XIRP2: variants seen among roughly 807,000 people sequenced by gnomAD.
XIRP2 encodes the protein xin actin binding repeat containing 2, also known as xin actin-binding repeat-containing protein 2.
In XIRP2, 236 loss-of-function variants were observed where a neutral mutation model predicts 277.0. That is an observed-to-expected ratio of 0.85 (90% CI 0.77 to 0.95). XIRP2 has a LOEUF of 0.95. XIRP2 is among the 40% of genes least tolerant of loss of function. The probability of loss-of-function intolerance (pLI) is 0.00; values close to 1 mark genes in which losing one functional copy is unlikely to be tolerated. For synonymous variants in XIRP2, 1,490 were observed against 1,416.5 expected, an observed-to-expected ratio of 1.05 and a Z score of -1.17; for missense variants, 4,640 against 4,157.5, an observed-to-expected ratio of 1.12 and a Z score of -3.19.
intron 2 of XIRP2, among the ~76,000 whole-genome samples, chr2:166,923,199 C>T (rs892332752): frequency 3.3e-5 from 5 of 152,014 alleles, no homozygotes; most frequent in Admixed American, 1.3e-4. Context: ...AAATAGCTTT[C>T]ATGTTTGAAC....
chr2:167,095,186 G>T (rs1294485138), intron 2 of XIRP2, among the ~76,000 whole-genome samples: 1 of 152,200 alleles, frequency 6.6e-6, no homozygotes, highest in Non-Finnish European at 1.5e-5. Flanking sequence ...CTTTGCTGAA[G>T]CTGCTTATCA....
intron 5 of XIRP2, among the ~76,000 whole-genome samples, chr2:167,226,175 T>G (rs1459941672): frequency 6.6e-6 from 1 of 152,104 alleles, no homozygotes; most frequent in Non-Finnish European, 1.5e-5. Context: ...CCACTGGGGG[T>G]TTGGAGATAC....
chr2:167,096,094 T>A (rs1574251371), intron 2 of XIRP2, among the ~76,000 whole-genome samples: 1 of 149,634 alleles, frequency 6.7e-6, no homozygotes, highest in Non-Finnish European at 1.5e-5. Context: ...TCTTTTTTTT[T>A]ATTATTGGGA....
intron 2 of XIRP2, among the ~76,000 whole-genome samples, chr2:167,020,531 C>T (rs1027546872): frequency 6.6e-6 from 1 of 151,932 alleles, no homozygotes; most frequent in East Asian, 1.9e-4. Context: ...TCAAACTCTT[C>T]TATTCGTATG....
At chr2:167,170,574 T>A (rs1692659803) in intron 3 of XIRP2, among the ~76,000 whole-genome samples, 1 of 151,020 alleles carries the variant, frequency 6.6e-6, no homozygotes, top group Admixed American at 6.6e-5. Flanking sequence ...TCATCTGAGT[T>A]GTCTATTTAC....
intron 2 of XIRP2, among the ~76,000 whole-genome samples, chr2:167,109,208 T>C (rs1446060813): frequency 6.6e-6 from 1 of 152,152 alleles, no homozygotes; most frequent in Non-Finnish European, 1.5e-5. Flanking sequence ...AAATATTAAA[T>C]AAAAATAATC....
rs201974513 is a variant in XIRP2 at position 167,259,290 on chromosome 2, T to C, written c.*1473T>C. On this transcript the variant is annotated 3_prime_UTR_variant, in exon 11 of 11. Transcript: ENST00000409195. ...ACAGCTAAGCCTTTGTTTCCCAGAG[T>C]GGAGGTGCAGTCAGAACAACTCACG... 1.2e-5 allele frequency: 20 copies of C among 1,613,090 alleles called. No individual in the cohort carries two copies. The East Asian group carries it at 2.7e-4, about 22-fold the overall frequency.
intron 2 of XIRP2, among the ~76,000 whole-genome samples, chr2:166,923,869 G>C (rs1685120124): frequency 6.6e-6 from 1 of 151,998 alleles, no homozygotes; most frequent in Non-Finnish European, 1.5e-5. Context: ...TGTCACTATG[G>C]AAAATGACAG....
chr2:166,927,859 CATGAAT>C (rs1685231403), intron 2 of XIRP2, among the ~76,000 whole-genome samples: 1 of 152,134 alleles, frequency 6.6e-6, no homozygotes, highest in African/African-American at 2.4e-5. Context: ...GTTTCAAAGC[CATGAAT>C]ATGCTTTTAT....
chr2:167,166,658 C>G (rs2105345523), intron 3 of XIRP2, among the ~76,000 whole-genome samples: 1 of 152,222 alleles, frequency 6.6e-6, no homozygotes, highest in Admixed American at 6.5e-5. Context: ...GAGAGCAAAG[C>G]AGGGATGTGT....
At position 167,243,081 on chromosome 2, in the gene XIRP2, C is replaced by A. The variant is rs751226496; in HGVS notation, c.1689C>A (p.Tyr563Ter). The A allele has an allele frequency of 4.3e-6, 7 of 1,614,022 alleles. No homozygotes were observed. Among genetic ancestry groups the A allele is most frequent in the Non-Finnish European group, 5.1e-6 (6 of 1,179,968 alleles). The change falls in exon 9 of 11, where the codon TAC becomes TAA. Residue 563 changes from tyrosine (Y) to a stop codon, truncating the protein, a stop_gained. Transcript: ENST00000409195. LOFTEE classifies it high-confidence loss of function. ...AAGATCTGAACTCAGAAAGAGAATACTTGGAATGGGATGAAATTCTGAAGG... is the reference window on the plus strand; with the variant it reads ...AAGATCTGAACTCAGAAAGAGAATAATTGGAATGGGATGAAATTCTGAAGG... ...SQKDLNSEREYLEWDEILKGE... is the reference protein window; with the variant it reads ...SQKDLNSERE
intron 2 of XIRP2, among the ~76,000 whole-genome samples, chr2:167,133,319 T>G (rs996314141): frequency 1.3e-5 from 2 of 152,190 alleles, no homozygotes; most frequent in African/African-American, 2.4e-5. Context: ...CAAGAAGCTC[T>G]TTTACATCTC....
chr2:167,200,942 A>G (rs559794438), intron 3 of XIRP2, among the ~76,000 whole-genome samples: 7 of 152,044 alleles, frequency 4.6e-5, no homozygotes, highest in Admixed American at 4.6e-4. Flanking sequence ...CCTGGCCAAC[A>G]TGGTGAAACT....
intron 1 of XIRP2, among the ~76,000 whole-genome samples, chr2:166,892,357 T>A (rs564755325): frequency 3.3e-5 from 5 of 152,220 alleles, no homozygotes; most frequent in South Asian, 2.1e-4. Flanking sequence ...ATGGTGGGTG[T>A]TGGGAAACAG....
At position 167,005,446 on chromosome 2, in the gene XIRP2, G is replaced by A. The variant is rs568120628; in HGVS notation, c.408+101556G>A. Among the ~76,000 whole-genome samples the A allele has an allele frequency of 4.0e-5, 6 of 151,796 alleles. No homozygotes were observed. The East Asian group carries it at 5.8e-4, about 15-fold the overall frequency. On this transcript the variant is annotated intron_variant, in intron 2 of 10. Coordinates refer to ENST00000409195, the MANE Select transcript of XIRP2 (RefSeq NM_152381.6). ...CAGATGAAGAAACTAAGATGTAAAG[G>A]GATTAATTAAAGTCACCCAGTGAGT... is the stretch of plus-strand genomic sequence containing the variant.
intron 4 of XIRP2, among the ~76,000 whole-genome samples, chr2:167,217,142 G>A (rs1694273114): frequency 7.7e-6 from 1 of 129,408 alleles, no homozygotes; most frequent in Non-Finnish European, 1.6e-5. Context: ...GTGGGGTGGG[G>A]GGAGGGGGAA....
chr2:167,018,486 A>G (rs1463267429), intron 2 of XIRP2, among the ~76,000 whole-genome samples: 1 of 152,004 alleles, frequency 6.6e-6, no homozygotes, highest in Non-Finnish European at 1.5e-5. Context: ...ATGATAAGAA[A>G]CCTGACATCC....
At chr2:167,210,516 A>G (rs547755592) in intron 3 of XIRP2, among the ~76,000 whole-genome samples, 1 of 152,162 alleles carries the variant, frequency 6.6e-6, no homozygotes, top group South Asian at 2.1e-4. Flanking sequence ...TGGGGGGATA[A>G]ATTTTTGCTG....
intron 3 of XIRP2, among the ~76,000 whole-genome samples, chr2:167,163,315 C>A (rs1489253870): frequency 6.6e-6 from 1 of 152,178 alleles, no homozygotes; most frequent in Admixed American, 6.5e-5. Context: ...TTTTCTGTGT[C>A]TTCCCCACAA....
Sources: allele counts gnomAD v4.1 joint callset (sites outside exome capture counted in the v4.1 genomes callset), GRCh38; gene constraint gnomAD v4.1.1; transcripts MANE v1.5; gene names NCBI Gene and HGNC (gene_info 2026-07-23, HGNC 2026-07-21).